ATP6V0E2: variants seen among roughly 807,000 people sequenced by gnomAD.
ATP6V0E2 encodes ATPase H+ transporting V0 subunit e2, also known as V-type proton ATPase subunit e 2.
Under a neutral mutation model 11.5 loss-of-function variants are expected in ATP6V0E2, and 4 were observed. That is an observed-to-expected ratio of 0.35 (90% CI 0.17 to 0.80). The LOEUF is 0.80. Among genes scored for constraint, ATP6V0E2 ranks in the 30% least tolerant of loss-of-function variants. The pLI is 0.53. For synonymous variants in ATP6V0E2, 52 were observed against 51.0 expected, an observed-to-expected ratio of 1.02 and a Z score of -0.09; for missense variants, 93 against 113.5, an observed-to-expected ratio of 0.82 and a Z score of 0.82.
At chr7:149,873,781 C>A, upstream of ATP6V0E2, 1 of 1,240,868 alleles carries the variant, frequency 8.1e-7, no homozygotes, top group Non-Finnish European at 1.1e-6. Context: ...TGACGCGGAC[C>A]CTATAACCCA....
rs944293819 is a variant in ATP6V0E2, at chr7:149,880,438, G to C, written c.*1123G>C. 6.6e-5 allele frequency: 10 copies of C among 152,502 alleles called. No homozygotes were observed. The highest frequency in any genetic ancestry group is 2.4e-4 in the African/African-American group (10 of 41,480). 9.4% of individuals were successfully genotyped at this position (152,502 alleles called of 1,614,324 possible). Reference sequence around the variant, plus strand: ...GGGAAGAAACGACAGCCTCACTTCTGTATGGACTGCTGATGTGGCCTGCCA... The same window carrying C: ...GGGAAGAAACGACAGCCTCACTTCTCTATGGACTGCTGATGTGGCCTGCCA... On this transcript the variant is annotated 3_prime_UTR_variant, in exon 4 of 4. Transcript: ENST00000425642.
Position 149,879,541 on chromosome 7 carries a change from G to C in ATP6V0E2, c.*226G>C. 1 of 1,561,890 alleles carries C rather than the reference G, an allele frequency of 6.4e-7. No homozygotes were observed. The highest frequency in any genetic ancestry group is 8.7e-7 in the Non-Finnish European group (1 of 1,154,594). ...GGGAGCCCTGGGCACAGCAGCGGCC[G>C]AGGGGATGTCCTGCTCCAATACCCG... On this transcript the variant is annotated 3_prime_UTR_variant, in exon 4 of 4. Transcript: ENST00000425642.
chr7:149,874,004 C>A lies in ATP6V0E2; in HGVS notation c.-62C>A. 5 of 1,546,184 alleles carry A rather than the reference C, an allele frequency of 3.2e-6. No individual in the cohort carries two copies. Among genetic ancestry groups the A allele is most frequent in the Non-Finnish European group, 3.5e-6 (4 of 1,145,702 alleles). ...CTCAGCGCGCTGCCCGGCTGGGGAC[C>A]CGCGCACCTGCAGCGCCCGCTGCTC... is the stretch of plus-strand genomic sequence containing the variant. On this transcript the variant is annotated 5_prime_UTR_variant, in exon 1 of 4. Transcript: ENST00000425642.
At position 149,880,218 on chromosome 7, in the gene ATP6V0E2, CT is replaced by C. The variant is rs1008188952; in HGVS notation, c.*904del. On this transcript the variant is annotated 3_prime_UTR_variant, in exon 4 of 4. Coordinates refer to ENST00000425642, the MANE Select transcript of ATP6V0E2 (RefSeq NM_145230.4). ...CTGAGCCAGCCCCGCCCTCTGCCCC[CT>C]GGCCCTGGGCTCTGTGCTAGGGATG... 11 of 153,168 alleles carry C rather than the reference CT, an allele frequency of 7.2e-5. No individual in the cohort carries two copies. The highest frequency in any genetic ancestry group is 2.1e-4 in the South Asian group (1 of 4,862). The allele number at this position is 153,168 out of a possible 1,614,324, so 9.5% of individuals were successfully genotyped here. A position where few individuals can be genotyped will look rare whatever the true frequency, so the allele number is the denominator to read the frequency against.
In ATP6V0E2 at chr7:149,879,405, C is replaced by A. The variant is rs1264592722; in HGVS notation, c.*90C>A. 6.2e-7 allele frequency: 1 copy of A among 1,604,372 alleles called. No homozygotes were observed. Among genetic ancestry groups the A allele is most frequent in the Non-Finnish European group, 8.5e-7 (1 of 1,175,682 alleles). ...CCCTTCGTCCGGACCCTCCCCCACA[C>A]AACTATGTCTGGTCACCAGCTCCCT... is the stretch of plus-strand genomic sequence containing the variant. On this transcript the variant is annotated 3_prime_UTR_variant, in exon 4 of 4. Coordinates refer to ENST00000425642, the MANE Select transcript of ATP6V0E2 (RefSeq NM_145230.4).
At chr7:149,874,548 G>C (rs962198005) in intron 1 of ATP6V0E2, 4 of 206,070 alleles carry the variant, frequency 1.9e-5, no homozygotes, top group Admixed American at 1.7e-4. Context: ...GTCGACTCCT[G>C]CCTTAAAAGG....
Position 149,874,043 on chromosome 7 carries a change from G to T in ATP6V0E2, c.-23G>T. 1.3e-6 allele frequency: 2 copies of T among 1,549,672 alleles called. No homozygotes were observed. The highest frequency in any genetic ancestry group is 1.7e-6 in the Non-Finnish European group (2 of 1,146,594). On this transcript the variant is annotated 5_prime_UTR_variant, in exon 1 of 4. Transcript: ENST00000425642. ...CGCCCGCTGCTCGGCCCTGCATCCT[G>T]CCTGGGCATCCTGCGCCCGGCCATG...
chr7:149,879,528 C>T lies in ATP6V0E2; in HGVS notation c.*213C>T, dbSNP rs2128949961. 2 of 1,571,626 alleles carry T rather than the reference C, an allele frequency of 1.3e-6. No individual in the cohort carries two copies. The highest frequency in any genetic ancestry group is 2.3e-5 in the East Asian group (1 of 43,266). On this transcript the variant is annotated 3_prime_UTR_variant, in exon 4 of 4. Transcript: ENST00000425642. ...AGCCCGGGCCCTGGGGAGCCCTGGG[C>T]ACAGCAGCGGCCGAGGGGATGTCCT...
chr7:149,880,209 C>A lies in ATP6V0E2; in HGVS notation c.*894C>A. 6.5e-6 allele frequency: 1 copy of A among 153,142 alleles called. No homozygotes were observed. The highest frequency in any genetic ancestry group is 2.4e-5 in the African/African-American group (1 of 41,590). 9.5% of individuals were successfully genotyped at this position (153,142 alleles called of 1,614,324 possible). A position where few individuals can be genotyped will look rare whatever the true frequency, so the allele number is the denominator to read the frequency against. On this transcript the variant is annotated 3_prime_UTR_variant, in exon 4 of 4. Transcript: ENST00000425642. ...GCCCTGCTCCTGAGCCAGCCCCGCC[C>A]TCTGCCCCCTGGCCCTGGGCTCTGT...
chr7:149,879,538 G>A lies in ATP6V0E2; in HGVS notation c.*223G>A. On this transcript the variant is annotated 3_prime_UTR_variant, in exon 4 of 4. Coordinates refer to ENST00000425642, the MANE Select transcript of ATP6V0E2 (RefSeq NM_145230.4). ...CTGGGGAGCCCTGGGCACAGCAGCGGCCGAGGGGATGTCCTGCTCCAATAC... is the reference window on the plus strand; with the variant it reads ...CTGGGGAGCCCTGGGCACAGCAGCGACCGAGGGGATGTCCTGCTCCAATAC... 6.4e-7 allele frequency: 1 copy of A among 1,562,524 alleles called. No homozygotes were observed. The highest frequency in any genetic ancestry group is 8.7e-7 in the Non-Finnish European group (1 of 1,154,960).
chr7:149,876,159 C>T lies in ATP6V0E2; in HGVS notation c.152+514C>T, dbSNP rs939393140. ...TTGGGAGGCTGAGGTGGGTGGATCA[C>T]GAGGTCAGGAGTTCGAGACCAGTCT... On this transcript the variant is annotated intron_variant, in intron 2 of 3. Transcript: ENST00000425642. 9.5e-5 allele frequency: 43 copies of T among 452,228 alleles called. No individual in the cohort carries two copies. In the East Asian group the frequency reaches 1.7e-3, roughly 18 times the overall value. 28.0% of individuals were successfully genotyped at this position (452,228 alleles called of 1,614,324 possible). A position where few individuals can be genotyped will look rare whatever the true frequency, so the allele number is the denominator to read the frequency against.
rs554768603 is a variant in ATP6V0E2 at position 149,879,218 on chromosome 7, G to GGGAA, written c.*20-116_*20-113dup. 5,399 of 1,400,048 alleles carry GGGAA rather than the reference G, an allele frequency of 3.9e-3. 20 individuals carry two copies. Among genetic ancestry groups the GGGAA allele is most frequent in the Non-Finnish European group, 4.4e-3 (4,783 of 1,082,970 alleles). The allele number at this position is 1,400,048 out of a possible 1,614,324, so 86.7% of individuals were successfully genotyped here. On this transcript the variant is annotated intron_variant, in intron 3 of 3. Transcript: ENST00000425642. Reference sequence around the variant, plus strand: ...CTGGGCCCTAACCTGGACGGAGGGAGGGAAAGGGTAAGCTGAGGACTATCT... The same window carrying GGGAA: ...CTGGGCCCTAACCTGGACGGAGGGAGGGAAGGAAAGGGTAAGCTGAGGACTATCT...
chr7:149,878,839 C>T, intron 3 of ATP6V0E2, 49 bp downstream of exon 3: 1 of 933,410 alleles, frequency 1.1e-6, no homozygotes, highest in Non-Finnish European at 1.5e-6. Context: ...AAAGACAAGG[C>T]TTTCCCACAC....
At position 149,879,795 on chromosome 7, in the gene ATP6V0E2, C is replaced by G; in HGVS notation, c.*480C>G. 1 of 678,414 alleles carries G rather than the reference C, an allele frequency of 1.5e-6. No individual in the cohort carries two copies. The highest frequency in any genetic ancestry group is 2.1e-6 in the Non-Finnish European group (1 of 468,406). The allele number at this position is 678,414 out of a possible 1,614,324, so 42.0% of individuals were successfully genotyped here. Reference sequence around the variant, plus strand: ...GGGGGGGCCTCTATTGGGTTATAGGCAAGGCCTTTTCTCTGGCATGGAATT... The same window carrying G: ...GGGGGGGCCTCTATTGGGTTATAGGGAAGGCCTTTTCTCTGGCATGGAATT... On this transcript the variant is annotated 3_prime_UTR_variant, in exon 4 of 4. Coordinates refer to ENST00000425642, the MANE Select transcript of ATP6V0E2 (RefSeq NM_145230.4).
rs1326917694 is a variant in ATP6V0E2 at position 149,873,974 on chromosome 7, G to A, written c.-92G>A. 1 of 1,545,224 alleles carries A rather than the reference G, an allele frequency of 6.5e-7. No homozygotes were observed. The highest frequency in any genetic ancestry group is 1.2e-5 in the South Asian group (1 of 83,954). On this transcript the variant is annotated 5_prime_UTR_variant, in exon 1 of 4. Coordinates refer to ENST00000425642, the MANE Select transcript of ATP6V0E2 (RefSeq NM_145230.4). ...GCTTCGGGTGCTCGACTCCTGTTGCGCATGCTCAGCGCGCTGCCCGGCTGG... is the reference window on the plus strand; with the variant it reads ...GCTTCGGGTGCTCGACTCCTGTTGCACATGCTCAGCGCGCTGCCCGGCTGG...
In ATP6V0E2 at chr7:149,875,586, C is replaced by G. The variant is rs376372613; in HGVS notation, c.105-12C>G. On this transcript the variant is annotated splice_polypyrimidine_tract_variant and intron_variant, in intron 1 of 3. Coordinates refer to ENST00000425642, the MANE Select transcript of ATP6V0E2 (RefSeq NM_145230.4). ...CTGCATTTGTTCTGACCCGTGTCCT[C>G]TTCTGCTGCAGAGTGATCATCACCA... 9.7e-5 allele frequency: 156 copies of G among 1,613,688 alleles called. No homozygotes were observed. Among genetic ancestry groups the G allele is most frequent in the Non-Finnish European group, 8.8e-5 (104 of 1,179,794 alleles).
upstream of ATP6V0E2, chr7:149,873,390 C>G (rs1802934966): frequency 6.5e-6 from 1 of 152,708 alleles, no homozygotes; most frequent in Admixed American, 6.5e-5. Flanking sequence ...AACGCGAAGC[C>G]CCCGCCTTCC....
At chr7:149,876,056 G>C in intron 2 of ATP6V0E2, 1 of 462,958 alleles carries the variant, frequency 2.2e-6, no homozygotes, top group South Asian at 1.5e-5. Context: ...AATGCCCCCA[G>C]GTGACTGGAA....
chr7:149,877,811 A>G (rs1422432815), intron 2 of ATP6V0E2, among the ~76,000 whole-genome samples: 2 of 152,244 alleles, frequency 1.3e-5, no homozygotes, highest in East Asian at 3.8e-4. Context: ...TTGGATGCAT[A>G]CAGGTAGAAA....
Sources: gnomAD v4.1 joint callset for allele counts (sites outside exome capture counted in the v4.1 genomes callset) on GRCh38, gnomAD v4.1.1 for gene constraint, MANE v1.5 for transcripts, NCBI Gene and HGNC (gene_info 2026-07-23, HGNC 2026-07-21) for gene names.